Variants in MAP3K2 observed in about 807,000 individuals in gnomAD.
MAP3K2 encodes the protein MAP/ERK kinase kinase 2.
Under a neutral mutation model 80.3 loss-of-function variants are expected in MAP3K2, and 24 were observed. The ratio of observed to expected loss-of-function variants is 0.30; its 90% CI spans 0.22 to 0.42. MAP3K2 has a LOEUF of 0.42. Ranked by LOEUF, MAP3K2 falls within the 10% of genes least tolerant of loss-of-function variation. MAP3K2 has a pLI of 1.00. For synonymous variants in MAP3K2, 244 were observed against 253.7 expected (o/e 0.96, Z 0.36); for missense variants, 608 against 750.1 (o/e 0.81, Z 2.21).
chr2:127,387,760 G>A lies in MAP3K2; in HGVS notation c.-374C>T, dbSNP rs1219037063. 2.0e-6 allele frequency: 2 copies of A among 985,142 alleles called. No individual in the cohort carries two copies. Among genetic ancestry groups the A allele is most frequent in the African/African-American group, 1.7e-5 (1 of 57,196 alleles). The allele number at this position is 985,142 out of a possible 1,614,324, so 61.0% of individuals were successfully genotyped here. A position where few individuals can be genotyped will look rare whatever the true frequency, so the allele number is the denominator to read the frequency against. Reference sequence around the variant, plus strand: ...CCCGAGGCCCGCGGGAACTGGGCAGGAAAGGAGGAAGCCGCGGGCCCGCGT... The same window carrying A: ...CCCGAGGCCCGCGGGAACTGGGCAGAAAAGGAGGAAGCCGCGGGCCCGCGT... On this transcript the variant is annotated 5_prime_UTR_variant, in exon 1 of 17. Transcript: ENST00000682094.
intron 1 of MAP3K2, among the ~76,000 whole-genome samples, chr2:127,345,305 A>G (rs1359085634): frequency 1.3e-5 from 2 of 152,270 alleles, no homozygotes; most frequent in African/African-American, 4.8e-5. Context: ...ATAATGAAAG[A>G]TAGCCAATAC....
chr2:127,351,531 A>C (rs1328296238), intron 1 of MAP3K2, among the ~76,000 whole-genome samples: 1 of 152,166 alleles, frequency 6.6e-6, no homozygotes, highest in Non-Finnish European at 1.5e-5. Context: ...AAAAATTTTG[A>C]GATAGGCTTG....
chr2:127,320,154 A>G (rs776162377), intron 12 of MAP3K2, among the ~76,000 whole-genome samples: 43 of 152,342 alleles, frequency 2.8e-4, no homozygotes, highest in South Asian at 4.1e-4. Context: ...AAAAAAATCA[A>G]AAGAGAAAGC....
intron 1 of MAP3K2, among the ~76,000 whole-genome samples, chr2:127,383,865 C>T (rs1041016145): frequency 2.3e-5 from 3 of 130,318 alleles, no homozygotes; most frequent in African/African-American, 8.9e-5. Context: ...ATTTTTTTGG[C>T]AACAAATAAT....
rs1037953610 is a variant in MAP3K2 at position 127,304,213 on chromosome 2, A to G, written c.*3366T>C. 1 of 152,144 alleles carries G rather than the reference A, an allele frequency of 6.6e-6. No homozygotes were observed. The highest frequency in any genetic ancestry group is 1.5e-5 in the Non-Finnish European group (1 of 68,004). 9.4% of individuals were successfully genotyped at this position (152,144 alleles called of 1,614,324 possible). A position where few individuals can be genotyped will look rare whatever the true frequency, so the allele number is the denominator to read the frequency against. On this transcript the variant is annotated 3_prime_UTR_variant, in exon 17 of 17. Transcript: ENST00000682094. ...ATAGTCATTTTTTTAAGTTAGAAAGATGTTTTGTAAACAAGGAAAAGTGCT... is the reference window on the plus strand; with the variant it reads ...ATAGTCATTTTTTTAAGTTAGAAAGGTGTTTTGTAAACAAGGAAAAGTGCT...
chr2:127,317,485 A>T (rs2104814842), intron 14 of MAP3K2, 144 bp downstream of exon 14: 1 of 594,218 alleles, frequency 1.7e-6, no homozygotes, highest in East Asian at 3.2e-5. Flanking sequence ...GAGGATAGAA[A>T]ATACTACTCA....
At position 127,305,597 on chromosome 2, in the gene MAP3K2, A is replaced by G. The variant is rs1685680608; in HGVS notation, c.*1982T>C. On this transcript the variant is annotated 3_prime_UTR_variant, in exon 17 of 17. Transcript: ENST00000682094. ...AAATAAGCACACCTTTTGGCAGAAA[A>G]TAAGAATACCTGAGTCCCTTATGAA... is the stretch of plus-strand genomic sequence containing the variant. 1 of 152,170 alleles carries G rather than the reference A, an allele frequency of 6.6e-6. No individual in the cohort carries two copies. The highest frequency in any genetic ancestry group is 2.1e-4 in the South Asian group (1 of 4,828). The allele number at this position is 152,170 out of a possible 1,614,324, so 9.4% of individuals were successfully genotyped here.
rs957261458 is a variant in MAP3K2, at chr2:127,305,860, T to A, written c.*1719A>T. The A allele has an allele frequency of 6.6e-6, 1 of 152,088 alleles. No individual in the cohort carries two copies. Among genetic ancestry groups the A allele is most frequent in the Non-Finnish European group, 1.5e-5 (1 of 67,996 alleles). The allele number at this position is 152,088 out of a possible 1,614,324, so 9.4% of individuals were successfully genotyped here. A position where few individuals can be genotyped will look rare whatever the true frequency, so the allele number is the denominator to read the frequency against. ...TAACAATGTCCTTGCTCTTATTGGA[T>A]ACATTGTACTAGAAATACGTGGCAG... On this transcript the variant is annotated 3_prime_UTR_variant, in exon 17 of 17. Transcript: ENST00000682094.
At chr2:127,323,353 T>A (rs1333625822) in intron 11 of MAP3K2, among the ~76,000 whole-genome samples, 3 of 145,154 alleles carry the variant, frequency 2.1e-5, no homozygotes, top group Non-Finnish European at 4.5e-5. Flanking sequence ...AGAGTGAGAC[T>A]CTGTCTCAGG....
rs867369801 is a variant in MAP3K2, at chr2:127,339,446, T to C, written c.5-396A>G. Among the ~76,000 whole-genome samples the C allele has an allele frequency of 6.6e-6, 1 of 152,188 alleles. No homozygotes were observed. The highest frequency in any genetic ancestry group is 2.1e-4 in the South Asian group (1 of 4,834). On this transcript the variant is annotated intron_variant, in intron 2 of 16. Transcript: ENST00000682094. The surrounding 1 kb of genome is among the most constrained non-coding windows in gnomAD (Gnocchi z 4.2). ...TTTGTATAAATCTCATTACTTAGCA[T>C]TTATATTCAAAGTACAGACTTAATT...
intron 1 of MAP3K2, among the ~76,000 whole-genome samples, chr2:127,378,683 T>C (rs1687190918): frequency 6.6e-6 from 1 of 152,132 alleles, no homozygotes; most frequent in Non-Finnish European, 1.5e-5. Context: ...TGTAAAAGAC[T>C]AGGAGGAAAA....
chr2:127,387,922 G>C lies in MAP3K2; in HGVS notation c.-536C>G, dbSNP rs939730196. 4.1e-6 allele frequency: 4 copies of C among 982,170 alleles called. No homozygotes were observed. Among genetic ancestry groups the C allele is most frequent in the African/African-American group, 3.5e-5 (2 of 57,108 alleles). 60.8% of individuals were successfully genotyped at this position (982,170 alleles called of 1,614,324 possible). On this transcript the variant is annotated 5_prime_UTR_variant, in exon 1 of 17. Transcript: ENST00000682094. ...CCCAGCGGCCGCGGCACCCTCGTCA[G>C]GCGCCGCCGCTGAGGGCAGGCAGCC...
chr2:127,379,775 C>A (rs1347210768), intron 1 of MAP3K2, among the ~76,000 whole-genome samples: 1 of 152,128 alleles, frequency 6.6e-6, no homozygotes, highest in Non-Finnish European at 1.5e-5. Flanking sequence ...ATGTTAGGAG[C>A]ACGTATTCTA....
intron 1 of MAP3K2, among the ~76,000 whole-genome samples, chr2:127,368,634 T>C (rs1382161409): frequency 6.6e-6 from 1 of 151,888 alleles, no homozygotes; most frequent in Non-Finnish European, 1.5e-5. Flanking sequence ...AATAAATAAA[T>C]AAATAAATAA....
rs773574714 is a variant in MAP3K2, at chr2:127,314,745, A to G, written c.1456+9T>C. The G allele has an allele frequency of 1.3e-6, 2 of 1,593,886 alleles. No homozygotes were observed. On this transcript the variant is annotated intron_variant, in intron 15 of 16. Transcript: ENST00000682094. Reference sequence around the variant, plus strand: ...GTGTACTTAAAATAGAAAATACCTCATTACTTACCTTTGATATCTCTATGG... The same window carrying G: ...GTGTACTTAAAATAGAAAATACCTCGTTACTTACCTTTGATATCTCTATGG...
At chr2:127,342,995 C>T in intron 2 of MAP3K2, 131 bp downstream of exon 2, 1 of 645,906 alleles carries the variant, frequency 1.5e-6, no homozygotes, top group South Asian at 2.4e-5. Context: ...AAATATAAAA[C>T]ATTTCATAAA....
chr2:127,333,099 TAC>T (rs1159436582), intron 5 of MAP3K2, among the ~76,000 whole-genome samples: 1 of 145,382 alleles, frequency 6.9e-6, no homozygotes, highest in Non-Finnish European at 1.5e-5. Flanking sequence ...GCCTCTGTAC[TAC>T]AGCCTGGGTG....
At chr2:127,383,038 T>A (rs1687277407) in intron 1 of MAP3K2, among the ~76,000 whole-genome samples, 1 of 152,168 alleles carries the variant, frequency 6.6e-6, no homozygotes, top group African/African-American at 2.4e-5. Context: ...TAAGGCAAAG[T>A]GGGAGCAAGG....
At chr2:127,362,971 T>C (rs1332737012) in intron 1 of MAP3K2, among the ~76,000 whole-genome samples, 1 of 152,092 alleles carries the variant, frequency 6.6e-6, no homozygotes, top group East Asian at 1.9e-4. Flanking sequence ...CGAAAACAAA[T>C]TTAATTTAAA....
Sources: gnomAD v4.1 joint callset for allele counts (sites outside exome capture counted in the v4.1 genomes callset) on GRCh38, gnomAD v4.1.1 for gene constraint, Gnocchi (gnomAD v3.1) non-coding constraint, MANE v1.5 for transcripts, NCBI Gene and HGNC (gene_info 2026-07-23, HGNC 2026-07-21) for gene names.